The following INVS variants were observed in gnomAD, a reference collection of about 807,000 sequenced individuals.
INVS encodes inversin.
In INVS, 86 loss-of-function variants were observed where a neutral mutation model predicts 108.8. That is an observed-to-expected ratio of 0.79 (90% CI 0.66 to 0.95). INVS has a LOEUF of 0.95. INVS is among the 40% of genes least tolerant of loss of function. The pLI is 0.00. For synonymous variants in INVS, 455 were observed against 473.5 expected (o/e 0.96, Z 0.51); for missense variants, 1,169 against 1,297.4 (o/e 0.90, Z 1.52).
At chr9:100,100,104 C>T (rs1259765000) in intron 1 of INVS, among the ~76,000 whole-genome samples, 1 of 152,110 alleles carries the variant, frequency 6.6e-6, no homozygotes, top group African/African-American at 2.4e-5. Flanking sequence ...ATTTATTACA[C>T]GGGCTTGTTG....
Position 100,099,279 on chromosome 9 carries a change from T to A in INVS, c.-162T>A, listed in dbSNP as rs2118777095. 6.2e-6 allele frequency: 1 copy of A among 161,922 alleles called. No homozygotes were observed. The highest frequency in any genetic ancestry group is 1.9e-4 in the East Asian group (1 of 5,272). 10.0% of individuals were successfully genotyped at this position (161,922 alleles called of 1,614,324 possible). ...CGGCCGAAAGCCTCGGGCGGCCTTTTGAGGGGCTCGGCTAGCTTCAGCGCC... is the reference window on the plus strand; with the variant it reads ...CGGCCGAAAGCCTCGGGCGGCCTTTAGAGGGGCTCGGCTAGCTTCAGCGCC... On this transcript the variant is annotated 5_prime_UTR_variant, in exon 1 of 17. An upstream open reading frame in the 5' UTR loses its in-frame stop. Coordinates refer to ENST00000262457, the MANE Select transcript of INVS (RefSeq NM_014425.5).
chr9:100,182,123 A>C (rs1829907254), intron 3 of INVS, among the ~76,000 whole-genome samples: 1 of 152,216 alleles, frequency 6.6e-6, no homozygotes, highest in Non-Finnish European at 1.5e-5. Flanking sequence ...CTCAAGATGG[A>C]TTAAAGACTT....
chr9:100,134,110 G>A lies in INVS; in HGVS notation c.273+7561G>A, dbSNP rs560069082. Reference sequence around the variant, plus strand: ...GCCCCCATTCCACTCTTCCCCCCAAGTCCCCAAAGTCCACTGTATCATTCT... The same window carrying A: ...GCCCCCATTCCACTCTTCCCCCCAAATCCCCAAAGTCCACTGTATCATTCT... On this transcript the variant is annotated intron_variant, in intron 3 of 16. Coordinates refer to ENST00000262457, the MANE Select transcript of INVS (RefSeq NM_014425.5). 2.0e-3 allele frequency among the ~76,000 whole-genome samples: 310 copies of A among 151,774 alleles called. 2 individuals are homozygous for A. The highest frequency in any genetic ancestry group is 0.01 in the Middle Eastern group (3 of 294).
At chr9:100,260,722 T>C (rs1832595879) in intron 10 of INVS, among the ~76,000 whole-genome samples, 1 of 152,100 alleles carries the variant, frequency 6.6e-6, no homozygotes, top group South Asian at 2.1e-4. Context: ...TAGCCTAAGA[T>C]AACAACAGTG....
chr9:100,196,859 A>C (rs1027592179), intron 3 of INVS, among the ~76,000 whole-genome samples: 3 of 151,996 alleles, frequency 2.0e-5, no homozygotes, highest in Non-Finnish European at 4.4e-5. Context: ...TGAAATTCTG[A>C]GGGGAGAAAA....
At chr9:100,191,807 C>A (rs1830230490) in intron 3 of INVS, among the ~76,000 whole-genome samples, 1 of 152,114 alleles carries the variant, frequency 6.6e-6, no homozygotes, top group South Asian at 2.1e-4. Flanking sequence ...CTTGGGTAGA[C>A]TATTTCTTCT....
chr9:100,253,965 G>A (rs917416895), intron 10 of INVS, among the ~76,000 whole-genome samples: 1 of 152,138 alleles, frequency 6.6e-6, no homozygotes, highest in Non-Finnish European at 1.5e-5. Context: ...GGTATTTCTA[G>A]TTCTAGATCC....
chr9:100,174,332 G>A (rs1249381344), intron 3 of INVS, among the ~76,000 whole-genome samples: 1 of 151,934 alleles, frequency 6.6e-6, no homozygotes, highest in East Asian at 1.9e-4. Context: ...TCACTAGAAG[G>A]GCTTATCAGC....
At chr9:100,297,904 A>C in intron 15 of INVS, 32 bp from the exon 16 acceptor site, 1 of 1,613,568 alleles carries the variant, frequency 6.2e-7, no homozygotes. Flanking sequence ...ATCCCTGGCC[A>C]AAGAAAAGTA....
At chr9:100,144,317 A>G (rs1045274950) in intron 3 of INVS, among the ~76,000 whole-genome samples, 6 of 152,182 alleles carry the variant, frequency 3.9e-5, no homozygotes, top group Non-Finnish European at 7.3e-5. Context: ...GGCGAGGTTA[A>G]TTAAGTCCTG....
intron 3 of INVS, among the ~76,000 whole-genome samples, chr9:100,185,365 T>TC (rs1218819786): frequency 6.6e-6 from 1 of 151,516 alleles, no homozygotes; most frequent in African/African-American, 2.4e-5. Flanking sequence ...GTTCCTTTTT[T>TC]CCCCACTTTC....
chr9:100,166,050 G>A (rs1829353446), intron 3 of INVS, among the ~76,000 whole-genome samples: 1 of 152,006 alleles, frequency 6.6e-6, no homozygotes, highest in Non-Finnish European at 1.5e-5. Flanking sequence ...GGGCTAAAAG[G>A]TTTTAAACTT....
chr9:100,259,551 T>TG (rs1316523874), intron 10 of INVS, among the ~76,000 whole-genome samples: 7 of 137,020 alleles, frequency 5.1e-5, no homozygotes, highest in African/African-American at 1.1e-4. Flanking sequence ...ATCTTGGAAC[T>TG]GGGGCCTTTT....
intron 10 of INVS, 114 bp from the exon 11 acceptor site, chr9:100,264,708 G>A (rs1832732458): frequency 1.3e-6 from 1 of 742,350 alleles, no homozygotes; most frequent in Non-Finnish European, 2.4e-6. Flanking sequence ...TTCCCTTTTT[G>A]TAAATAAGCA....
chr9:100,104,606 G>T lies in INVS; in HGVS notation c.85G>T (p.Ala29Ser). 6.2e-7 allele frequency: 1 copy of T among 1,613,582 alleles called. No individual in the cohort carries two copies. The highest frequency in any genetic ancestry group is 8.5e-7 in the Non-Finnish European group (1 of 1,179,488). Residue 29 changes from alanine (A) to serine (S), a missense_variant, in exon 2 of 17, where the codon GCT becomes TCT. Ala to Ser is a moderately conservative substitution (Grantham distance 99). Transcript: ENST00000262457. ...HAAAVNGDKG[A>S]LQRLIVGNSA... ...TGCTGCCGTTAATGGAGATAAGGGTGCTCTACAGAGGCTCATCGTAGGTAA... is the reference window on the plus strand; with the variant it reads ...TGCTGCCGTTAATGGAGATAAGGGTTCTCTACAGAGGCTCATCGTAGGTAA...
At chr9:100,126,245 A>G (rs923823492) in intron 2 of INVS, 138 bp from the exon 3 acceptor site, 6 of 711,624 alleles carry the variant, frequency 8.4e-6, no homozygotes, top group East Asian at 8.1e-5. Context: ...GGTAATATCT[A>G]CTTCTTAGGA....
intron 12 of INVS, among the ~76,000 whole-genome samples, chr9:100,281,782 C>CT: frequency 6.6e-6 from 1 of 150,854 alleles, no homozygotes; most frequent in East Asian, 1.9e-4. Context: ...CCAAAGCCCT[C>CT]TTGCTTTCTG....
At position 100,253,017 on chromosome 9, in the gene INVS, C is replaced by A; in HGVS notation, c.1345C>A (p.Pro449Thr). 1.2e-6 allele frequency: 2 copies of A among 1,613,842 alleles called. No homozygotes were observed. Among genetic ancestry groups the A allele is most frequent in the Non-Finnish European group, 1.7e-6 (2 of 1,179,790 alleles). ...GATATTAATAGAAAATAAGATCAAT[C>A]CAAATGTCCAGGATTATGCAGGAAG... ...CQILIENKINPNVQDYAGRTP... is the reference protein window; with the variant it reads ...CQILIENKINTNVQDYAGRTP... Residue 449 changes from proline (P) to threonine (T), a missense_variant, in exon 10 of 17, where the codon CCA (proline) becomes ACA (threonine). Pro to Thr is a conservative substitution (Grantham distance 38). Transcript: ENST00000262457.
chr9:100,102,300 T>C (rs1827020865), intron 1 of INVS, among the ~76,000 whole-genome samples: 1 of 152,112 alleles, frequency 6.6e-6, no homozygotes, highest in Non-Finnish European at 1.5e-5. Context: ...GGTTTCACCA[T>C]ATTGGTCAGG....
Sources: allele counts gnomAD v4.1 joint callset (sites outside exome capture counted in the v4.1 genomes callset), GRCh38; gene constraint gnomAD v4.1.1; transcripts MANE v1.5; gene names NCBI Gene and HGNC (gene_info 2026-07-23, HGNC 2026-07-21).